SLC20A2: variants seen among roughly 807,000 people sequenced by gnomAD.
SLC20A2 encodes the protein solute carrier family 20 member 2, also known as sodium-dependent phosphate transporter 2.
A neutral mutation model predicts 61.0 loss-of-function variants in SLC20A2; 30 were observed. The observed-to-expected ratio is 0.49, with a 90% CI of 0.37 to 0.67. The LOEUF (loss-of-function observed/expected upper bound fraction) is 0.67. Among genes scored for constraint, SLC20A2 ranks in the 30% least tolerant of loss-of-function variants. SLC20A2 has a pLI of 0.00. For missense variants in SLC20A2, 626 were observed against 866.4 expected (o/e 0.72, Z 3.48); for synonymous variants, 351 against 353.3 (o/e 0.99, Z 0.07).
chr8:42,436,347 C>G (rs1196442148), intron 8 of SLC20A2, among the ~76,000 whole-genome samples: 1 of 152,142 alleles, frequency 6.6e-6, no homozygotes, highest in African/African-American at 2.4e-5. Flanking sequence ...CTGGCTGCAT[C>G]CAGGGCCTCC....
chr8:42,496,574 C>T (rs1368922392), intron 1 of SLC20A2, among the ~76,000 whole-genome samples: 1 of 152,200 alleles, frequency 6.6e-6, no homozygotes, highest in Non-Finnish European at 1.5e-5. Flanking sequence ...TACTTGTGGC[C>T]TTAGCCATTC....
chr8:42,441,166 TAG>T (rs1295937949), intron 6 of SLC20A2, among the ~76,000 whole-genome samples: 1 of 145,800 alleles, frequency 6.9e-6, no homozygotes, highest in African/African-American at 2.6e-5. Flanking sequence ...TTTTTTGAGA[TAG>T]AGTTTCACTC....
rs1442383365 is a variant in SLC20A2 at position 42,437,033 on chromosome 8, G to A, written c.1479C>T (p.Leu493=). ...VHLLFHFLQV[L]TACFGSFAHG... is the part of the protein sequence containing the mutation. ...GAGCAAAGGACCCGAAACAGGCGGT[G>A]AGGACCTGCAGGAAATGGAACAGGA... The change falls in exon 8 of 11, where the codon CTC becomes CTT. Residue 493 remains leucine (L), a synonymous_variant. Coordinates refer to ENST00000520262, the MANE Select transcript of SLC20A2 (RefSeq NM_001257180.2). This position sits in a 1 kb window ranked among gnomAD's most constrained non-coding sequence, Gnocchi z 6.4. 1.9e-6 allele frequency: 3 copies of A among 1,613,252 alleles called. No individual in the cohort carries two copies. Among genetic ancestry groups the A allele is most frequent in the South Asian group, 1.1e-5 (1 of 90,924 alleles).
chr8:42,439,486 C>T lies in SLC20A2; in HGVS notation c.898G>A (p.Gly300Ser). 1 of 1,614,032 alleles carries T rather than the reference C, an allele frequency of 6.2e-7. No homozygotes were observed. The highest frequency in any genetic ancestry group is 2.2e-5 in the East Asian group (1 of 44,880). Residue 300 changes from glycine to serine, a missense_variant, in exon 7 of 11, where the codon GGC becomes AGC. By Grantham distance (56) the Gly-to-Ser change is moderately conservative (BLOSUM62 0). Coordinates refer to ENST00000520262, the MANE Select transcript of SLC20A2 (RefSeq NM_001257180.2). ...AAGETLGTSE[G>S]TSAGSHPRAA... ...CGAGGGTGGCTGCCCGCAGAAGTGC[C>T]TTCCGAGGTCCCCAGTGTCTCCCCT...
chr8:42,528,927 A>G (rs1488218709), intron 1 of SLC20A2, among the ~76,000 whole-genome samples: 1 of 151,412 alleles, frequency 6.6e-6, no homozygotes, highest in African/African-American at 2.4e-5. Context: ...TCAGCCTCCC[A>G]AAGTGCTGGG....
intron 1 of SLC20A2, among the ~76,000 whole-genome samples, chr8:42,483,990 C>T (rs778133185): frequency 2.0e-5 from 3 of 152,098 alleles, no homozygotes; most frequent in African/African-American, 2.4e-5. Flanking sequence ...CTGGTACAAC[C>T]GCATATTCTT....
At chr8:42,418,176 T>C (rs1314909146) in intron 10 of SLC20A2, among the ~76,000 whole-genome samples, 1 of 152,248 alleles carries the variant, frequency 6.6e-6, no homozygotes, top group Non-Finnish European at 1.5e-5. Flanking sequence ...AGTTGTTTTA[T>C]ATAGTTGTTT....
chr8:42,470,128 A>T (rs1586134249), intron 2 of SLC20A2, among the ~76,000 whole-genome samples: 1 of 152,096 alleles, frequency 6.6e-6, no homozygotes, highest in Admixed American at 6.6e-5. Context: ...ATTATATCTG[A>T]CTATGCTGAG....
chr8:42,439,557 C>T lies in SLC20A2; in HGVS notation c.827G>A (p.Gly276Asp). Residue 276 changes from glycine to aspartate, a missense_variant, in exon 7 of 11, where the codon GGT becomes GAT. Coordinates refer to ENST00000520262, the MANE Select transcript of SLC20A2 (RefSeq NM_001257180.2). ...GGTGCTGTCATCATTAGCCTTGGCACCTGGTAGCTCTTTAAATACTGGGGA... is the reference window on the plus strand; with the variant it reads ...GGTGCTGTCATCATTAGCCTTGGCATCTGGTAGCTCTTTAAATACTGGGGA... Reference protein sequence around the residue: ...AESPVFKELPGAKANDDSTIP... With the variant: ...AESPVFKELPDAKANDDSTIP... 1.2e-6 allele frequency: 2 copies of T among 1,614,204 alleles called. No homozygotes were observed. Among genetic ancestry groups the T allele is most frequent in the Non-Finnish European group, 1.7e-6 (2 of 1,180,042 alleles).
chr8:42,523,673 A>ATTCT (rs1365013283), intron 1 of SLC20A2, among the ~76,000 whole-genome samples: 1 of 152,236 alleles, frequency 6.6e-6, no homozygotes, highest in Non-Finnish European at 1.5e-5. Flanking sequence ...TATCAGGGGT[A>ATTCT]TTCTTTCCTC....
chr8:42,526,082 C>A (rs1053232798), intron 1 of SLC20A2, among the ~76,000 whole-genome samples: 17 of 152,140 alleles, frequency 1.1e-4, no homozygotes, highest in African/African-American at 4.1e-4. Context: ...AAGAGGGAAG[C>A]ACAGAAACAG....
At chr8:42,491,263 C>T (rs1428497466) in intron 1 of SLC20A2, among the ~76,000 whole-genome samples, 3 of 152,206 alleles carry the variant, frequency 2.0e-5, no homozygotes, top group Admixed American at 6.5e-5. Flanking sequence ...GCCTGCAATC[C>T]CAGAAATTTG....
At chr8:42,492,539 G>A (rs565250176) in intron 1 of SLC20A2, among the ~76,000 whole-genome samples, 1 of 152,314 alleles carries the variant, frequency 6.6e-6, no homozygotes, top group African/African-American at 2.4e-5. Flanking sequence ...GATGACAAAT[G>A]TAAAGAGGAA....
rs75260753 is a variant in SLC20A2, at chr8:42,538,644, G to A, written c.-265+3177C>T. ...CTAGGCCCCAGAAAAAAGACAATGAGTGAAACAGAAGAAGTCCCTGCATTC... is the reference window on the plus strand; with the variant it reads ...CTAGGCCCCAGAAAAAAGACAATGAATGAAACAGAAGAAGTCCCTGCATTC... On this transcript the variant is annotated intron_variant, in intron 1 of 10. Coordinates refer to the SLC20A2 transcript ENST00000342228. Among the ~76,000 whole-genome samples the A allele has an allele frequency of 5.6e-3, 846 of 152,278 alleles. 1 individual carries two copies. Among genetic ancestry groups the A allele is most frequent in the Non-Finnish European group, 0.01 (694 of 68,030 alleles).
chr8:42,471,195 T>C (rs1407773200), intron 2 of SLC20A2: 15 of 456,080 alleles, frequency 3.3e-5, no homozygotes, highest in South Asian at 2.2e-4. Flanking sequence ...TGTGTCGTCA[T>C]CTCTACCTAG....
At chr8:42,420,988 T>C (rs1802999780) in intron 10 of SLC20A2, among the ~76,000 whole-genome samples, 1 of 152,242 alleles carries the variant, frequency 6.6e-6, no homozygotes, top group Non-Finnish European at 1.5e-5. Context: ...GATAATTTAT[T>C]TCACCAAAAT....
intron 1 of SLC20A2, among the ~76,000 whole-genome samples, chr8:42,475,058 A>T (rs1563500961): frequency 6.6e-6 from 1 of 152,112 alleles, no homozygotes; most frequent in Admixed American, 6.6e-5. Context: ...CCATGTGGAC[A>T]GTGGGGTGCC....
Position 42,437,883 on chromosome 8 carries a change from G to A in SLC20A2, c.935-306C>T, listed in dbSNP as rs534577752. 6.6e-6 allele frequency among the ~76,000 whole-genome samples: 1 copy of A among 151,564 alleles called. No individual in the cohort carries two copies. Among genetic ancestry groups the A allele is most frequent in the Non-Finnish European group, 1.5e-5 (1 of 67,876 alleles). Reference sequence around the variant, plus strand: ...CCCACCTTGGCCTCCTAAAGTGCTCGGATTACAAGCGTGAGCCAACGTGCC... The same window carrying A: ...CCCACCTTGGCCTCCTAAAGTGCTCAGATTACAAGCGTGAGCCAACGTGCC... On this transcript the variant is annotated intron_variant, in intron 7 of 10. Coordinates refer to ENST00000520262, the MANE Select transcript of SLC20A2 (RefSeq NM_001257180.2). This position sits in a 1 kb window ranked among gnomAD's most constrained non-coding sequence, Gnocchi z 6.4.
At chr8:42,488,935 G>GTTTTTTTT (rs34643152) in intron 1 of SLC20A2, among the ~76,000 whole-genome samples, 15 of 83,526 alleles carry the variant, frequency 1.8e-4, no homozygotes, top group Non-Finnish European at 2.7e-4. Context: ...TAGGAGTTTT[G>GTTTTTTTT]TTTTTTTTTT....
Sources: allele counts gnomAD v4.1 joint callset (sites outside exome capture counted in the v4.1 genomes callset), GRCh38; gene constraint gnomAD v4.1.1; non-coding constraint Gnocchi (gnomAD v3.1); transcripts MANE v1.5; gene names NCBI Gene and HGNC (gene_info 2026-07-23, HGNC 2026-07-21).